MGAT5: variants seen among roughly 807,000 people sequenced by gnomAD.
MGAT5 encodes alpha-1,6-mannosylglycoprotein 6-beta-N-acetylglucosaminyltransferase A.
MGAT5 carries 30 observed loss-of-function variants against 94.3 expected under a neutral mutation model. The observed-to-expected ratio is 0.32, with a 90% CI of 0.24 to 0.43. The LOEUF is 0.43. MGAT5 is among the 20% of genes least tolerant of loss of function. The pLI is 1.00. For missense variants in MGAT5, 691 were observed against 905.5 expected (o/e 0.76, Z 3.04); for synonymous variants, 310 against 322.9 (o/e 0.96, Z 0.43).
At chr2:134,302,237 C>T (rs985602155) in intron 2 of MGAT5, among the ~76,000 whole-genome samples, 3 of 152,106 alleles carry the variant, frequency 2.0e-5, no homozygotes, top group African/African-American at 7.2e-5. Flanking sequence ...CTTTAGTTTG[C>T]CATCCCTTGT....
chr2:134,413,833 C>T (rs1245168228), intron 12 of MGAT5, among the ~76,000 whole-genome samples: 1 of 152,148 alleles, frequency 6.6e-6, no homozygotes, highest in South Asian at 2.1e-4. Context: ...GATTAGCATC[C>T]GTCCCATGGC....
At chr2:134,305,302 T>A (rs1686258118) in intron 2 of MGAT5, among the ~76,000 whole-genome samples, 1 of 152,198 alleles carries the variant, frequency 6.6e-6, no homozygotes, top group African/African-American at 2.4e-5. Context: ...GTCGAAGCAC[T>A]TCCGCCTTGC....
At chr2:134,416,256 A>C (rs968194962) in intron 12 of MGAT5, among the ~76,000 whole-genome samples, 13 of 152,184 alleles carry the variant, frequency 8.5e-5, no homozygotes, top group African/African-American at 3.1e-4. Context: ...CATTCTAAAC[A>C]GAAATTCTGC....
At chr2:134,260,838 G>A (rs1437987547) in intron 1 of MGAT5, among the ~76,000 whole-genome samples, 1 of 152,026 alleles carries the variant, frequency 6.6e-6, no homozygotes, top group Non-Finnish European at 1.5e-5. Context: ...AAATAGCTGG[G>A]CTGTTCAGTG....
At chr2:134,165,842 G>A (rs1028182788) in intron 1 of MGAT5, among the ~76,000 whole-genome samples, 1 of 152,120 alleles carries the variant, frequency 6.6e-6, no homozygotes, top group Non-Finnish European at 1.5e-5. Context: ...AGTGTGATAT[G>A]GAAGACTCCA....
intron 1 of MGAT5, among the ~76,000 whole-genome samples, chr2:134,144,215 T>C (rs893252914): frequency 1.3e-5 from 2 of 152,152 alleles, no homozygotes; most frequent in African/African-American, 2.4e-5. Context: ...AGAGGTTTAA[T>C]TGGCTTACAG....
chr2:134,350,043 TAG>T, intron 9 of MGAT5, 105 bp downstream of exon 9: 1 of 1,257,446 alleles, frequency 8.0e-7, no homozygotes. Flanking sequence ...CCATTAGCTG[TAG>T]AAGTGTGTGC....
At chr2:134,309,017 G>T (rs71417505) in intron 2 of MGAT5, among the ~76,000 whole-genome samples, 1 of 152,068 alleles carries the variant, frequency 6.6e-6, no homozygotes, top group Non-Finnish European at 1.5e-5. Flanking sequence ...AAACAACCAC[G>T]AATTCACTCT....
upstream of MGAT5, among the ~76,000 whole-genome samples, chr2:134,251,836 C>T (rs1043202898): frequency 6.6e-6 from 1 of 152,116 alleles, no homozygotes; most frequent in Non-Finnish European, 1.5e-5. Flanking sequence ...TGCAATAGAA[C>T]ACCAGAACTT....
chr2:134,217,238 G>GGTGTGTGTGTGT (rs35795776), intron 1 of MGAT5, among the ~76,000 whole-genome samples: 4,572 of 145,164 alleles, frequency 0.031, 146 homozygotes, highest in African/African-American at 0.084. Flanking sequence ...GAGAGAGAGT[G>GGTGTGTGTGTGT]GTGTGTGTGT....
intron 2 of MGAT5, among the ~76,000 whole-genome samples, chr2:134,282,273 T>A (rs1190010997): frequency 1.3e-5 from 2 of 151,978 alleles, no homozygotes; most frequent in Non-Finnish European, 2.9e-5. Flanking sequence ...TGGCCAGGAG[T>A]GTGTGCCATG....
Position 134,121,608 on chromosome 2 carries a change from C to G in MGAT5, c.-143+1317C>G, listed in dbSNP as rs577412743. Among the ~76,000 whole-genome samples the G allele has an allele frequency of 2.3e-4, 35 of 152,338 alleles. 1 individual carries two copies. In the South Asian group the frequency reaches 7.0e-3, roughly 31 times the overall value. On this transcript the variant is annotated intron_variant, in intron 1 of 16. Transcript: ENST00000409645. ...CCCGGGCGGCCGCCGCTATCTGCAC[C>G]TGGCTCTGGCGGCCCAGTTAGGGAA...
chr2:134,440,161 C>T (rs1389391298), intron 14 of MGAT5, among the ~76,000 whole-genome samples: 1 of 152,164 alleles, frequency 6.6e-6, no homozygotes. Flanking sequence ...GGTCAACTGG[C>T]TCTGCCCCAC....
chr2:134,318,539 G>A lies in MGAT5; in HGVS notation c.484-111G>A, dbSNP rs1188528475. ...GTGACCCTGTCACTCAGTTCTTTAG[G>A]CCACAGCTTGAGCCATTCACTCCAT... On this transcript the variant is annotated intron_variant, in intron 3 of 15. Coordinates refer to ENST00000281923, the MANE Select transcript of MGAT5 (RefSeq NM_002410.5). 1.1e-4 allele frequency: 87 copies of A among 782,612 alleles called. 4 individuals are homozygous for A. In the South Asian group the frequency reaches 1.2e-3, roughly 11 times the overall value. 48.5% of individuals were successfully genotyped at this position (782,612 alleles called of 1,614,324 possible). A position where few individuals can be genotyped will look rare whatever the true frequency, so the allele number is the denominator to read the frequency against.
chr2:134,342,539 G>A (rs1044398954), intron 7 of MGAT5, among the ~76,000 whole-genome samples: 2 of 151,992 alleles, frequency 1.3e-5, no homozygotes, highest in South Asian at 4.2e-4. Context: ...ATCACTTGAG[G>A]CCAGGGGTTC....
chr2:134,437,064 C>T (rs1016909604), intron 14 of MGAT5, among the ~76,000 whole-genome samples: 1 of 152,232 alleles, frequency 6.6e-6, no homozygotes, highest in Non-Finnish European at 1.5e-5. Context: ...TCTCGGCTCA[C>T]GGCAACCTCT....
At chr2:134,383,250 A>C (rs944737097) in intron 10 of MGAT5, among the ~76,000 whole-genome samples, 1 of 152,154 alleles carries the variant, frequency 6.6e-6, no homozygotes, top group South Asian at 2.1e-4. Flanking sequence ...TTAGTTCATC[A>C]CCTATTTCTC....
At chr2:134,327,584 G>A (rs1413774209) in intron 4 of MGAT5, among the ~76,000 whole-genome samples, 1 of 152,090 alleles carries the variant, frequency 6.6e-6, no homozygotes, top group Non-Finnish European at 1.5e-5. Flanking sequence ...GAATCACAAG[G>A]TTTCATCAGC....
chr2:134,263,235 A>T (rs967247889), intron 1 of MGAT5, among the ~76,000 whole-genome samples: 1 of 152,192 alleles, frequency 6.6e-6, no homozygotes, highest in African/African-American at 2.4e-5. Context: ...TATTCCCTGC[A>T]GCTGGCTACA....
Sources: allele counts gnomAD v4.1 joint callset (sites outside exome capture counted in the v4.1 genomes callset), GRCh38; gene constraint gnomAD v4.1.1; transcripts MANE v1.5; gene names NCBI Gene and HGNC (gene_info 2026-07-23, HGNC 2026-07-21).